The following SNCAIP variants were observed in gnomAD, a reference collection of about 807,000 sequenced individuals.
SNCAIP encodes synuclein alpha interacting protein, also known as synphilin-1.
In SNCAIP, 43 loss-of-function variants were observed where a neutral mutation model predicts 86.7. The observed-to-expected ratio is 0.50, with a 90% confidence interval of 0.39 to 0.64. The LOEUF (loss-of-function observed/expected upper bound fraction) is 0.64. Among genes scored for constraint, SNCAIP ranks in the 30% least tolerant of loss-of-function variants. The pLI is 0.00. For missense variants in SNCAIP, 981 were observed against 1,103.1 expected (o/e 0.89, Z 1.57); for synonymous variants, 417 against 427.2 (o/e 0.98, Z 0.29).
At chr5:122,409,675 C>T (rs761718085) in intron 3 of SNCAIP, among the ~76,000 whole-genome samples, 2 of 152,108 alleles carry the variant, frequency 1.3e-5, no homozygotes, top group African/African-American at 2.4e-5. Context: ...TATTTTTGAA[C>T]CCTGTGCATG....
At chr5:122,454,109 A>G (rs1027199148) in intron 10 of SNCAIP, among the ~76,000 whole-genome samples, 1 of 152,206 alleles carries the variant, frequency 6.6e-6, no homozygotes, top group African/African-American at 2.4e-5. Context: ...AAATTATAAC[A>G]TGCCATTCAG....
At chr5:122,409,627 A>G (rs1051787326) in intron 3 of SNCAIP, among the ~76,000 whole-genome samples, 4 of 152,242 alleles carry the variant, frequency 2.6e-5, no homozygotes, top group African/African-American at 9.6e-5. Context: ...CATTAAAGTC[A>G]TGTAGGTTGT....
intron 1 of SNCAIP, among the ~76,000 whole-genome samples, chr5:122,325,411 T>G (rs1218575148): frequency 6.6e-6 from 1 of 152,176 alleles, no homozygotes; most frequent in Non-Finnish European, 1.5e-5. Flanking sequence ...CAGGCAGCTG[T>G]CTCCCTATGG....
At chr5:122,320,832 T>A (rs1284157903) in intron 1 of SNCAIP, among the ~76,000 whole-genome samples, 1 of 152,182 alleles carries the variant, frequency 6.6e-6, no homozygotes, top group Non-Finnish European at 1.5e-5. Flanking sequence ...ACAAGCTGCT[T>A]CTAATTTATT....
chr5:122,363,814 ATTTAT>A (rs1762650493), intron 1 of SNCAIP, among the ~76,000 whole-genome samples: 2 of 150,248 alleles, frequency 1.3e-5, no homozygotes, highest in African/African-American at 4.9e-5. Flanking sequence ...TTATTTATTT[ATTTAT>A]TTATTTATTT....
intron 1 of SNCAIP, among the ~76,000 whole-genome samples, chr5:122,347,233 C>G (rs1439170021): frequency 6.6e-6 from 1 of 152,010 alleles, no homozygotes; most frequent in Non-Finnish European, 1.5e-5. Flanking sequence ...TCTTTATCAT[C>G]TATAATATAT....
At chr5:122,370,678 T>A (rs1403637105) in intron 1 of SNCAIP, among the ~76,000 whole-genome samples, 1 of 152,230 alleles carries the variant, frequency 6.6e-6, no homozygotes, top group East Asian at 1.9e-4. Flanking sequence ...TAATGTGTGC[T>A]GTTTCTCTAG....
At chr5:122,385,786 A>G (rs1214579010) in intron 1 of SNCAIP, among the ~76,000 whole-genome samples, 1 of 151,956 alleles carries the variant, frequency 6.6e-6, no homozygotes, top group African/African-American at 2.4e-5. Context: ...TGTAATGCAA[A>G]TCCTTTGAAG....
chr5:122,448,444 G>A (rs1782798108), intron 8 of SNCAIP, among the ~76,000 whole-genome samples: 1 of 151,114 alleles, frequency 6.6e-6, no homozygotes, highest in Admixed American at 6.6e-5. Flanking sequence ...AGTCCAGCCT[G>A]AGAAGCATAG....
At chr5:122,345,928 C>T (rs534252684) in intron 1 of SNCAIP, among the ~76,000 whole-genome samples, 5 of 152,098 alleles carry the variant, frequency 3.3e-5, no homozygotes, top group Middle Eastern at 3.4e-3. Flanking sequence ...GTTGGGATTA[C>T]AGTTGTGAGC....
chr5:122,450,003 T>A, intron 9 of SNCAIP, 66 bp downstream of exon 9: 1 of 1,070,806 alleles, frequency 9.3e-7, no homozygotes, highest in Non-Finnish European at 1.5e-6. Flanking sequence ...TCTTCTGAAC[T>A]TCCTTTGATA....
chr5:122,421,696 G>A (rs924289122), intron 3 of SNCAIP, among the ~76,000 whole-genome samples: 2 of 152,178 alleles, frequency 1.3e-5, no homozygotes, highest in African/African-American at 4.8e-5. Context: ...GGGGATGATA[G>A]GAACTACATG....
intron 1 of SNCAIP, among the ~76,000 whole-genome samples, chr5:122,344,901 GA>G (rs1270865403): frequency 6.6e-6 from 1 of 152,084 alleles, no homozygotes; most frequent in Non-Finnish European, 1.5e-5. Context: ...CCTTTAATAG[GA>G]AATATGAATT....
At chr5:122,363,060 A>T (rs1191066745) in intron 1 of SNCAIP, among the ~76,000 whole-genome samples, 1 of 149,356 alleles carries the variant, frequency 6.7e-6, no homozygotes, top group Non-Finnish European at 1.5e-5. Flanking sequence ...GCAATGGTAC[A>T]ATCTCAACTC....
rs1783565791 is a variant in SNCAIP at position 122,450,870 on chromosome 5, C to T, written c.2023C>T (p.Leu675=). ...GCTGAGACAGCTGATGCAGAGGTCA[C>T]TGAGTGAGTCTGACACAGACTCCAA... ...ARLRQLMQRS[L]SESDTDSNNS... The change falls in exon 10 of 11, where the codon CTG becomes TTG. Residue 675 remains leucine, a synonymous_variant. Transcript: ENST00000261368. 1 of 1,613,918 alleles carries T rather than the reference C, an allele frequency of 6.2e-7. No individual in the cohort carries two copies. The highest frequency in any genetic ancestry group is 1.3e-5 in the African/African-American group (1 of 74,900).
chr5:122,317,699 AAGAAG>A (rs1402386635), intron 1 of SNCAIP, among the ~76,000 whole-genome samples: 1 of 152,094 alleles, frequency 6.6e-6, no homozygotes, highest in Non-Finnish European at 1.5e-5. Flanking sequence ...AAATATTGAA[AAGAAG>A]AGATAGGAGA....
At chr5:122,398,465 T>C (rs1160446676) in intron 2 of SNCAIP, among the ~76,000 whole-genome samples, 1 of 152,146 alleles carries the variant, frequency 6.6e-6, no homozygotes, top group African/African-American at 2.4e-5. Flanking sequence ...TAGAAAAATA[T>C]TATGTTCTGA....
rs569275289 is a variant in SNCAIP at position 122,426,559 on chromosome 5, C to T, written c.1182+1028C>T. ...AATTTCCATTTTATTTAATTTTGCT[C>T]GGTTAAGCAAGGTAATTAATAAGGT... On this transcript the variant is annotated intron_variant, in intron 5 of 10. Coordinates refer to ENST00000261368, the MANE Select transcript of SNCAIP (RefSeq NM_005460.4). Among the ~76,000 whole-genome samples the T allele has an allele frequency of 9.9e-5, 15 of 152,002 alleles. 1 individual carries two copies. In the South Asian group the frequency reaches 1.9e-3, roughly 19 times the overall value.
intron 7 of SNCAIP, among the ~76,000 whole-genome samples, chr5:122,442,711 A>C (rs546246120): frequency 1.3e-5 from 2 of 152,242 alleles, no homozygotes; most frequent in Non-Finnish European, 2.9e-5. Flanking sequence ...GAAATGACTA[A>C]AGCCAAAGAA....
Sources: gnomAD v4.1 joint callset for allele counts (sites outside exome capture counted in the v4.1 genomes callset) on GRCh38, gnomAD v4.1.1 for gene constraint, MANE v1.5 for transcripts, NCBI Gene and HGNC (gene_info 2026-07-23, HGNC 2026-07-21) for gene names.